The following AGMO variants were observed in gnomAD, a reference collection of about 807,000 sequenced individuals.
AGMO encodes the protein glyceryl-ether monooxygenase.
Under a neutral mutation model 60.2 loss-of-function variants are expected in AGMO, and 75 were observed. The ratio of observed to expected loss-of-function variants is 1.25; its 90% confidence interval spans 1.03 to 1.51. AGMO has a LOEUF of 1.51. Among genes scored for constraint, AGMO ranks in the 40% most tolerant of loss-of-function variants. The probability of loss-of-function intolerance (pLI) is 0.00; values close to 1 mark genes in which losing one functional copy is unlikely to be tolerated. For missense variants in AGMO, 763 were observed against 525.5 expected (o/e 1.45, Z -4.42); for synonymous variants, 261 against 177.1 (o/e 1.47, Z -3.76).
chr7:15,399,500 T>G (rs1015154499), intron 5 of AGMO, among the ~76,000 whole-genome samples: 2 of 152,218 alleles, frequency 1.3e-5, no homozygotes, highest in Non-Finnish European at 2.9e-5. Context: ...GCACATTTTT[T>G]AAAACTGTTA....
the AGMO span, among the ~76,000 whole-genome samples, chr7:15,159,360 T>C: frequency 2.1e-4 from 32 of 152,162 alleles, no homozygotes; most frequent in Non-Finnish European, 4.0e-4. Flanking sequence ...ACAGAAGTGG[T>C]AAAAGACAGT....
the AGMO span, among the ~76,000 whole-genome samples, chr7:15,129,718 T>A: frequency 6.6e-6 from 1 of 152,012 alleles, no homozygotes; most frequent in Non-Finnish European, 1.5e-5. Context: ...TTATGGGTGG[T>A]TTTGCCCTGC....
intron 12 of AGMO, among the ~76,000 whole-genome samples, chr7:15,315,751 GTTA>G (rs1780904662): frequency 2.0e-5 from 3 of 152,030 alleles, no homozygotes; most frequent in Non-Finnish European, 2.9e-5. Context: ...AACTATACCT[GTTA>G]TTGAGATAAG....
chr7:15,233,279 C>T (rs1272811866), intron 12 of AGMO, among the ~76,000 whole-genome samples: 1 of 152,172 alleles, frequency 6.6e-6, no homozygotes, highest in East Asian at 1.9e-4. Flanking sequence ...GTGAATCCAT[C>T]TAAATTACCA....
chr7:15,491,030 G>A (rs1196204505), intron 3 of AGMO, among the ~76,000 whole-genome samples: 1 of 152,112 alleles, frequency 6.6e-6, no homozygotes, highest in African/African-American at 2.4e-5. Flanking sequence ...AATCCTGGTG[G>A]TTTAGCATCT....
chr7:15,208,856 A>T (rs1781506221), intron 12 of AGMO, among the ~76,000 whole-genome samples: 1 of 152,220 alleles, frequency 6.6e-6, no homozygotes, highest in African/African-American at 2.4e-5. Flanking sequence ...TTTTTGAATA[A>T]GATGTTGCTG....
chr7:15,185,666 A>T, the AGMO span, among the ~76,000 whole-genome samples: 2 of 141,928 alleles, frequency 1.4e-5, no homozygotes, highest in African/African-American at 5.4e-5. Context: ...CTGAAACTTA[A>T]TCATAGCCTT....
Position 15,271,360 on chromosome 7 carries a change from T to C in AGMO, c.1264-70001A>G, listed in dbSNP as rs1783605646. 2.6e-5 allele frequency among the ~76,000 whole-genome samples: 4 copies of C among 152,310 alleles called. No individual in the cohort carries two copies. In the South Asian group the frequency reaches 8.3e-4, roughly 32 times the overall value. ...AATTTCTTTCTTCAGTGTTTTGTAGTTCTCCTTGTAAAGACCTTTCAGCTT... is the reference window on the plus strand; with the variant it reads ...AATTTCTTTCTTCAGTGTTTTGTAGCTCTCCTTGTAAAGACCTTTCAGCTT... On this transcript the variant is annotated intron_variant, in intron 12 of 12. Coordinates refer to ENST00000342526, the MANE Select transcript of AGMO (RefSeq NM_001004320.2).
At chr7:15,178,130 G>T in the AGMO span, among the ~76,000 whole-genome samples, 4 of 152,006 alleles carry the variant, frequency 2.6e-5, no homozygotes, top group African/African-American at 9.7e-5. Context: ...CTGCCCTTTT[G>T]GGGGAGTGGA....
intron 12 of AGMO, among the ~76,000 whole-genome samples, chr7:15,246,407 T>C (rs1782743553): frequency 6.6e-6 from 1 of 152,180 alleles, no homozygotes. Flanking sequence ...CTGTTTTTTA[T>C]ATTCTCTGAT....
intron 12 of AGMO, among the ~76,000 whole-genome samples, chr7:15,314,213 A>C (rs1780848244): frequency 6.6e-6 from 1 of 152,010 alleles, no homozygotes; most frequent in Non-Finnish European, 1.5e-5. Flanking sequence ...TCATCAGGCT[A>C]CTCATAATGG....
At chr7:15,121,731 T>C in the AGMO span, among the ~76,000 whole-genome samples, 1 of 152,070 alleles carries the variant, frequency 6.6e-6, no homozygotes, top group Non-Finnish European at 1.5e-5. Flanking sequence ...AAAACTGATA[T>C]ATAGACCAAT....
the AGMO span, among the ~76,000 whole-genome samples, chr7:15,127,773 A>G: frequency 2.6e-5 from 4 of 152,174 alleles, no homozygotes; most frequent in Non-Finnish European, 5.9e-5. Context: ...TCATTGTTCT[A>G]TAAAGGCTTT....
At chr7:15,488,022 C>T (rs962844055) in intron 3 of AGMO, among the ~76,000 whole-genome samples, 3 of 152,004 alleles carry the variant, frequency 2.0e-5, no homozygotes, top group Non-Finnish European at 2.9e-5. Context: ...AAATTTTCCC[C>T]GAGATCTGTT....
At chr7:15,250,687 C>G (rs1782903034) in intron 12 of AGMO, among the ~76,000 whole-genome samples, 1 of 152,226 alleles carries the variant, frequency 6.6e-6, no homozygotes, top group South Asian at 2.1e-4. Flanking sequence ...CGCCTGTAAT[C>G]CCAGCACTTT....
At chr7:15,180,074 G>A in the AGMO span, among the ~76,000 whole-genome samples, 3 of 152,158 alleles carry the variant, frequency 2.0e-5, no homozygotes, top group African/African-American at 7.2e-5. Flanking sequence ...TCTTTGAAAT[G>A]CCTTTGGGGT....
At chr7:15,438,247 C>T (rs894800237) in intron 3 of AGMO, among the ~76,000 whole-genome samples, 5 of 150,088 alleles carry the variant, frequency 3.3e-5, no homozygotes, top group African/African-American at 1.3e-4. Flanking sequence ...ATATTGATAA[C>T]AATATTATTA....
chr7:15,352,598 T>C (rs1043225265), intron 12 of AGMO, among the ~76,000 whole-genome samples: 5 of 151,964 alleles, frequency 3.3e-5, no homozygotes, highest in Non-Finnish European at 4.4e-5. Context: ...TACGGTCAAT[T>C]GGCGGGAGCA....
At chr7:15,118,316 C>T in the AGMO span, among the ~76,000 whole-genome samples, 1 of 151,852 alleles carries the variant, frequency 6.6e-6, no homozygotes, top group Non-Finnish European at 1.5e-5. Context: ...AGATATTGAC[C>T]ATAATGAAAC....
Sources: gnomAD v4.1 joint callset for allele counts (sites outside exome capture counted in the v4.1 genomes callset) on GRCh38, gnomAD v4.1.1 for gene constraint, MANE v1.5 for transcripts, NCBI Gene and HGNC (gene_info 2026-07-23, HGNC 2026-07-21) for gene names.